Variants in KSR2 observed in about 807,000 individuals in gnomAD.
The protein encoded by KSR2 is kinase suppressor of ras 2.
Under a neutral mutation model 107.8 loss-of-function variants are expected in KSR2, and 25 were observed. That is an observed-to-expected ratio of 0.23 (90% CI 0.17 to 0.32). The LOEUF (loss-of-function observed/expected upper bound fraction) is 0.32, where lower values mean the gene tolerates loss of function less well. KSR2 is among the 10% of genes least tolerant of loss of function. The pLI, the probability that KSR2 is intolerant of heterozygous loss-of-function variation, is 1.00. For synonymous variants in KSR2, 480 were observed against 507.0 expected, an observed-to-expected ratio of 0.95 and a Z score of 0.71; for missense variants, 887 against 1,268.9, an observed-to-expected ratio of 0.70 and a Z score of 4.57.
intron 5 of KSR2, among the ~76,000 whole-genome samples, chr12:117,612,806 G>A (rs748896701): frequency 6.6e-6 from 1 of 152,130 alleles, no homozygotes; most frequent in Admixed American, 6.5e-5. Context: ...GGAGGCAATT[G>A]GATCATGGTG....
rs1870925687 is a variant in KSR2, at chr12:117,462,119, G to C, written c.*5080C>G. On this transcript the variant is annotated 3_prime_UTR_variant, in exon 20 of 20. Transcript: ENST00000339824. ...AGCATGACAGCAACAGCCTGACCTT[G>C]TAGACCAGGAATTCTGGGGAATCTA... 6.6e-6 allele frequency: 1 copy of C among 150,742 alleles called. No homozygotes were observed. Among genetic ancestry groups the C allele is most frequent in the Admixed American group, 6.7e-5 (1 of 14,986 alleles). The allele number at this position is 150,742 out of a possible 1,614,324, so 9.3% of individuals were successfully genotyped here. A position where few individuals can be genotyped will look rare whatever the true frequency, so the allele number is the denominator to read the frequency against.
At chr12:117,507,916 C>A (rs534723588) in intron 14 of KSR2, among the ~76,000 whole-genome samples, 1 of 152,170 alleles carries the variant, frequency 6.6e-6, no homozygotes, top group African/African-American at 2.4e-5. Flanking sequence ...CTCCCTGTCC[C>A]CGTGGCCCAA....
chr12:117,839,605 A>G (rs993304481), intron 3 of KSR2, among the ~76,000 whole-genome samples: 1 of 152,206 alleles, frequency 6.6e-6, no homozygotes, highest in Non-Finnish European at 1.5e-5. Context: ...TTCCAGTCTA[A>G]TATGGGAGAT....
intron 5 of KSR2, among the ~76,000 whole-genome samples, chr12:117,623,321 TG>T (rs1041845076): frequency 1.3e-5 from 2 of 152,216 alleles, no homozygotes; most frequent in Admixed American, 1.3e-4. Flanking sequence ...CTTGTTGGTT[TG>T]CTGCACCCAT....
At chr12:117,583,380 G>C (rs1879800870) in intron 5 of KSR2, among the ~76,000 whole-genome samples, 1 of 150,254 alleles carries the variant, frequency 6.7e-6, no homozygotes, top group Non-Finnish European at 1.5e-5. Context: ...TGGGTGGATG[G>C]ATAGATGGAT....
chr12:117,933,407 G>A (rs1220778133), intron 1 of KSR2, among the ~76,000 whole-genome samples: 5 of 151,982 alleles, frequency 3.3e-5, no homozygotes, highest in East Asian at 1.9e-4. Context: ...TGGCTAACAC[G>A]GTGAGACTCC....
At chr12:117,520,678 C>A (rs952484942) in intron 14 of KSR2, among the ~76,000 whole-genome samples, 1 of 152,186 alleles carries the variant, frequency 6.6e-6, no homozygotes, top group African/African-American at 2.4e-5. Flanking sequence ...GTGCACCCAC[C>A]CTTTATTTTT....
intron 1 of KSR2, among the ~76,000 whole-genome samples, chr12:117,950,749 A>AATAATAATAATAAT (rs1555260903): frequency 3.5e-3 from 460 of 132,120 alleles, no homozygotes; most frequent in East Asian, 5.4e-3. Context: ...AAAAAAAAAA[A>AATAATAATAATAAT]AATAATAATA....
Position 117,667,520 on chromosome 12 carries a change from G to A in KSR2, c.1125C>T (p.Phe375=), listed in dbSNP as rs767407680. Residue 375 remains phenylalanine (F), a synonymous_variant, in exon 5 of 20, where the codon TTC becomes TTT. Coordinates refer to ENST00000339824, the MANE Select transcript of KSR2 (RefSeq NM_173598.6). Reference sequence around the variant, plus strand: ...TGTGAACAGGAGGGGTGGAAGGCAGGAAAGGTGCGTGTCCCACAAAGAAGG... The same window carrying A: ...TGTGAACAGGAGGGGTGGAAGGCAGAAAAGGTGCGTGTCCCACAAAGAAGG... ...LRSFFVGHAP[F]LPSTPPVHTE... The A allele has an allele frequency of 3.1e-6, 5 of 1,612,708 alleles. No individual in the cohort carries two copies. Among genetic ancestry groups the A allele is most frequent in the Middle Eastern group, 1.7e-4 (1 of 5,996 alleles).
rs1870504362 is a variant in KSR2 at position 117,454,594 on chromosome 12, T to C, written c.*12605A>G. The C allele has an allele frequency of 6.6e-6, 1 of 152,244 alleles. No individual in the cohort carries two copies. Among genetic ancestry groups the C allele is most frequent in the Non-Finnish European group, 1.5e-5 (1 of 68,046 alleles). 9.4% of individuals were successfully genotyped at this position (152,244 alleles called of 1,614,324 possible). Reference sequence around the variant, plus strand: ...ACTATGGCCCCTAGGTCTTCTTCAGTCATTTCTGTAACAAACCAGCATTTT... The same window carrying C: ...ACTATGGCCCCTAGGTCTTCTTCAGCCATTTCTGTAACAAACCAGCATTTT... On this transcript the variant is annotated 3_prime_UTR_variant, in exon 20 of 20. Transcript: ENST00000339824.
chr12:117,782,601 C>T (rs1039914962), intron 3 of KSR2, among the ~76,000 whole-genome samples: 11 of 152,102 alleles, frequency 7.2e-5, no homozygotes, highest in Non-Finnish European at 4.4e-5. Flanking sequence ...CTATGTGCCA[C>T]GAACTATGCT....
chr12:117,878,720 G>C (rs968164280), intron 1 of KSR2, among the ~76,000 whole-genome samples: 1 of 152,152 alleles, frequency 6.6e-6, no homozygotes, highest in Non-Finnish European at 1.5e-5. Flanking sequence ...CGAGGTAAGA[G>C]CAGATGAATC....
intron 4 of KSR2, among the ~76,000 whole-genome samples, chr12:117,697,134 C>A (rs7303368): frequency 1.3e-5 from 2 of 152,158 alleles, no homozygotes. Flanking sequence ...TTTCCTCCCC[C>A]TCGAGATGGA....
At chr12:117,637,672 T>G (rs891770277) in intron 5 of KSR2, among the ~76,000 whole-genome samples, 3 of 127,546 alleles carry the variant, frequency 2.4e-5, no homozygotes, top group African/African-American at 6.3e-5. Context: ...CAGTCAGTTT[T>G]GGGTTTTTTT....
At position 117,461,092 on chromosome 12, in the gene KSR2, A is replaced by G. The variant is rs1319847548; in HGVS notation, c.*6107T>C. On this transcript the variant is annotated 3_prime_UTR_variant, in exon 20 of 20. Coordinates refer to ENST00000339824, the MANE Select transcript of KSR2 (RefSeq NM_173598.6). ...GGAGTTCAAGACCAGCGCGGGCAAC[A>G]TAGCAAGACCCTGTCTGTACAACAA... 1 of 152,312 alleles carries G rather than the reference A, an allele frequency of 6.6e-6. No homozygotes were observed. Among genetic ancestry groups the G allele is most frequent in the Non-Finnish European group, 1.5e-5 (1 of 68,144 alleles). The allele number at this position is 152,312 out of a possible 1,614,324, so 9.4% of individuals were successfully genotyped here.
chr12:117,472,741 T>C (rs1381977724), intron 17 of KSR2, among the ~76,000 whole-genome samples: 1 of 152,212 alleles, frequency 6.6e-6, no homozygotes, highest in Non-Finnish European at 1.5e-5. Context: ...GAGAAGGTGC[T>C]AAAAGATTAT....
intron 3 of KSR2, among the ~76,000 whole-genome samples, chr12:117,807,036 C>T (rs11068679): frequency 0.04 from 6,043 of 152,266 alleles, 165 homozygotes; most frequent in Non-Finnish European, 0.057. Context: ...CGCTCAGCCC[C>T]GCTCAGCGTC....
intron 1 of KSR2, among the ~76,000 whole-genome samples, chr12:117,952,155 TCA>T (rs112314585): frequency 0.051 from 7,471 of 147,134 alleles, 242 homozygotes; most frequent in African/African-American, 0.083. Context: ...AATGTTCTCA[TCA>T]CACACACACA....
chr12:117,608,985 G>C (rs1474103939), intron 5 of KSR2, among the ~76,000 whole-genome samples: 1 of 152,086 alleles, frequency 6.6e-6, no homozygotes. Context: ...ACTATATTCT[G>C]TCCACAGGTA....
Sources: allele counts gnomAD v4.1 joint callset (sites outside exome capture counted in the v4.1 genomes callset), GRCh38; gene constraint gnomAD v4.1.1; transcripts MANE v1.5; gene names NCBI Gene and HGNC (gene_info 2026-07-23, HGNC 2026-07-21).